Variants in PSMF1 observed in about 807,000 individuals in gnomAD.
PSMF1 encodes proteasome inhibitor subunit 1.
Under a neutral mutation model 29.3 loss-of-function variants are expected in PSMF1, and 30 were observed. The ratio of observed to expected loss-of-function variants is 1.02; its 90% CI spans 0.77 to 1.39. PSMF1 has a LOEUF of 1.39. Ranked by LOEUF, PSMF1 falls within the 40% of genes most tolerant of loss-of-function variation. PSMF1 has a pLI of 0.00. For synonymous variants in PSMF1, 134 were observed against 139.7 expected (o/e 0.96, Z 0.29); for missense variants, 344 against 357.5 (o/e 0.96, Z 0.31).
Position 1,167,691 on chromosome 20 carries a change from T to C in PSMF1, c.*2611T>C, listed in dbSNP as rs577146060. On this transcript the variant is annotated 3_prime_UTR_variant, in exon 7 of 7. Transcript: ENST00000335877. ...CATGCTGTAGCATGTATCCATGGTA[T>C]GGATATATCACATTTTGCTTATCCT... 250 of 152,350 alleles carry C rather than the reference T, an allele frequency of 1.6e-3. 6 individuals carry two copies. The highest frequency in any genetic ancestry group is 0.016 in the Admixed American group (243 of 15,306). The allele number at this position is 152,350 out of a possible 1,614,324, so 9.4% of individuals were successfully genotyped here.
In PSMF1 at chr20:1,166,087, T is replaced by G; in HGVS notation, c.*1007T>G. ...GTGGTTCTTGCCTAACTCTGTGGTTTTTGGACCCCATGGGGCCCAGACAGA... is the reference window on the plus strand; with the variant it reads ...GTGGTTCTTGCCTAACTCTGTGGTTGTTGGACCCCATGGGGCCCAGACAGA... On this transcript the variant is annotated 3_prime_UTR_variant, in exon 7 of 7. Transcript: ENST00000335877. 1 of 1,524,710 alleles carries G rather than the reference T, an allele frequency of 6.6e-7. No individual in the cohort carries two copies. The highest frequency in any genetic ancestry group is 8.8e-7 in the Non-Finnish European group (1 of 1,131,562). 94.4% of individuals were successfully genotyped at this position (1,524,710 alleles called of 1,614,324 possible).
chr20:1,122,364 A>G (rs918869073), intron 1 of PSMF1, among the ~76,000 whole-genome samples: 5 of 140,098 alleles, frequency 3.6e-5, no homozygotes, highest in Non-Finnish European at 6.0e-5. Flanking sequence ...CAGTGGTGCT[A>G]TCTTGGCTCA....
intron 4 of PSMF1, among the ~76,000 whole-genome samples, chr20:1,150,273 C>A (rs141413941): frequency 1.3e-5 from 2 of 151,910 alleles, no homozygotes; most frequent in East Asian, 3.9e-4. Context: ...CAAAACTTGA[C>A]AATCTATACC....
At chr20:1,139,425 A>AG (rs1423816228) in intron 4 of PSMF1, among the ~76,000 whole-genome samples, 3 of 152,232 alleles carry the variant, frequency 2.0e-5, no homozygotes, top group Admixed American at 6.5e-5. Flanking sequence ...CAGATTAGAA[A>AG]GTAGGAAGTA....
chr20:1,135,009 G>T (rs771864272), intron 3 of PSMF1, 112 bp from the exon 4 acceptor site: 1 of 1,049,146 alleles, frequency 9.5e-7, no homozygotes, highest in South Asian at 1.3e-5. Context: ...CAGGCCAAGC[G>T]CAATGCCAGG....
At position 1,133,555 on chromosome 20, in the gene PSMF1, G is replaced by GTATATATATATATATATATATATA. The variant is rs1311800612; in HGVS notation, c.366-1551_366-1550insATATATATATATATATATATATAT. 2.8e-4 allele frequency among the ~76,000 whole-genome samples: 15 copies of GTATATATATATATATATATATATA among 53,950 alleles called. 2 individuals carry two copies. The highest frequency in any genetic ancestry group is 0.018 in the Middle Eastern group (2 of 110). The allele number at this position is 53,950 out of a possible 152,430, so 35.4% of individuals were successfully genotyped here. On this transcript the variant is annotated intron_variant, in intron 3 of 6. Transcript: ENST00000335877. Reference sequence around the variant, plus strand: ...ATAGGATATACTAGTCTATATATGTGTATATATATATATATTTTTTTTTTT... The same window carrying GTATATATATATATATATATATATA: ...ATAGGATATACTAGTCTATATATGTGTATATATATATATATATATATATATATATATATATATATTTTTTTTTTT...
rs544605112 is a variant in PSMF1 at position 1,161,664 on chromosome 20, C to T, written c.552-1466C>T. ...ATTAGCAAGCAGGAGTATGACAAGT[C>T]GGGCCCCTCCATGTCCACCACAAAT... On this transcript the variant is annotated intron_variant, in intron 4 of 6. Transcript: ENST00000335877. The T allele has an allele frequency of 9.5e-5, 64 of 671,504 alleles. 1 individual carries two copies. Among genetic ancestry groups the T allele is most frequent in the South Asian group, 6.4e-4 (41 of 64,110 alleles). The allele number at this position is 671,504 out of a possible 1,614,324, so 41.6% of individuals were successfully genotyped here. A position where few individuals can be genotyped will look rare whatever the true frequency, so the allele number is the denominator to read the frequency against.
chr20:1,137,156 A>G (rs1417702717), intron 4 of PSMF1, among the ~76,000 whole-genome samples: 2 of 152,230 alleles, frequency 1.3e-5, no homozygotes, highest in African/African-American at 4.8e-5. Flanking sequence ...CAGGGCTTGC[A>G]CTATGGCACC....
rs550405019 is a variant in PSMF1, at chr20:1,120,520, C to G, written c.129+1618C>G. Among the ~76,000 whole-genome samples the G allele has an allele frequency of 8.5e-5, 13 of 152,322 alleles. No homozygotes were observed. In the East Asian group the frequency reaches 1.5e-3, roughly 18 times the overall value. ...CCATTTCAGCGTCAGGCCCCTCTTT[C>G]AATGCATAGTTCCCCTAACAGAAAT... On this transcript the variant is annotated intron_variant, in intron 1 of 6. Transcript: ENST00000335877.
At chr20:1,141,828 C>G (rs556285997) in intron 4 of PSMF1, among the ~76,000 whole-genome samples, 2 of 152,108 alleles carry the variant, frequency 1.3e-5, no homozygotes, top group African/African-American at 2.4e-5. Flanking sequence ...TTGCCAGATA[C>G]CAGATTAACA....
rs920160080 is a variant in PSMF1, at chr20:1,171,928, T to C, written c.*6848T>C. Among the ~76,000 whole-genome samples, 4 of 152,212 alleles carry C rather than the reference T, an allele frequency of 2.6e-5. No individual in the cohort carries two copies. The highest frequency in any genetic ancestry group is 9.6e-5 in the African/African-American group (4 of 41,452). On this transcript the variant is annotated 3_prime_UTR_variant, in exon 7 of 7. Transcript: ENST00000335877. ...AGGACAGAAATTTGAGTGAGAAGCA[T>C]GTGAAGAGAGGGATGGCCCAGGGGC...
At chr20:1,118,182 C>T (rs1018408), upstream of PSMF1, among the ~76,000 whole-genome samples, 147,956 of 152,360 alleles carry the variant, frequency 0.97, 71,848 homozygotes, top group Middle Eastern at 1. Flanking sequence ...TATCCCTCTG[C>T]GCCTCAGTTT....
intron 3 of PSMF1, among the ~76,000 whole-genome samples, chr20:1,133,793 A>G (rs2086267773): frequency 1.3e-5 from 2 of 151,336 alleles, no homozygotes; most frequent in South Asian, 4.2e-4. Context: ...TAGAATGTTA[A>G]GTGTAATTCA....
At chr20:1,131,193 G>T (rs1442469909) in intron 3 of PSMF1, among the ~76,000 whole-genome samples, 1 of 152,278 alleles carries the variant, frequency 6.6e-6, no homozygotes, top group Admixed American at 6.5e-5. Flanking sequence ...CACTGGGAGA[G>T]AAATTGACAA....
chr20:1,143,916 C>T (rs943027009), intron 4 of PSMF1, among the ~76,000 whole-genome samples: 14 of 152,168 alleles, frequency 9.2e-5, no homozygotes, highest in African/African-American at 1.9e-4. Flanking sequence ...CATGGTGAAA[C>T]CGTGTCTCTT....
intron 3 of PSMF1, among the ~76,000 whole-genome samples, chr20:1,132,510 C>T (rs547820038): frequency 6.6e-6 from 1 of 152,090 alleles, no homozygotes; most frequent in African/African-American, 2.4e-5. Flanking sequence ...CTCCTGACCT[C>T]GTGACCCACC....
intron 3 of PSMF1, among the ~76,000 whole-genome samples, chr20:1,131,100 A>G (rs11699188): frequency 0.11 from 17,151 of 152,040 alleles, 1,059 homozygotes; most frequent in African/African-American, 0.15. Flanking sequence ...GGTGTTGCAC[A>G]CTCCCTGACA....
intron 1 of PSMF1, among the ~76,000 whole-genome samples, chr20:1,119,126 A>T (rs866377970): frequency 1.2e-4 from 19 of 152,144 alleles, no homozygotes; most frequent in African/African-American, 4.1e-4. Flanking sequence ...TTGTAAACTC[A>T]AGGGCGGACA....
chr20:1,159,374 T>C (rs1315625086), intron 4 of PSMF1, among the ~76,000 whole-genome samples: 1 of 152,004 alleles, frequency 6.6e-6, no homozygotes, highest in Non-Finnish European at 1.5e-5. Flanking sequence ...CTGGCCAGGC[T>C]GGTCTCGAAC....
Sources: allele counts gnomAD v4.1 joint callset (sites outside exome capture counted in the v4.1 genomes callset), GRCh38; gene constraint gnomAD v4.1.1; transcripts MANE v1.5; gene names NCBI Gene and HGNC (gene_info 2026-07-23, HGNC 2026-07-21).